The following NDUFA5 variants were observed in gnomAD, a reference collection of about 807,000 sequenced individuals.
The protein encoded by NDUFA5 is NADH dehydrogenase [ubiquinone] 1 alpha subcomplex subunit 5.
A neutral mutation model predicts 19.8 loss-of-function variants in NDUFA5; 11 were observed. The observed-to-expected ratio is 0.56, with a 90% CI of 0.35 to 0.92. The LOEUF is 0.92. Ranked by LOEUF, NDUFA5 falls within the 40% of genes least tolerant of loss-of-function variation. The probability of loss-of-function intolerance (pLI) is 0.01; values close to 1 mark genes in which losing one functional copy is unlikely to be tolerated. For missense variants in NDUFA5, 109 were observed against 134.2 expected (o/e 0.81, Z 0.93); for synonymous variants, 47 against 46.8 (o/e 1.00, Z -0.01).
the NDUFA5 span, among the ~76,000 whole-genome samples, chr7:123,594,381 G>T: frequency 3.9e-5 from 6 of 152,082 alleles, no homozygotes; most frequent in African/African-American, 1.2e-4. Context: ...GGAATTTTCA[G>T]CCTTTCTGCT....
the NDUFA5 span, among the ~76,000 whole-genome samples, chr7:123,570,058 G>T: frequency 1.5e-5 from 2 of 134,278 alleles, no homozygotes; most frequent in Non-Finnish European, 3.1e-5. Flanking sequence ...TTTTTGAGAC[G>T]GAGTCTGGCT....
the NDUFA5 span, among the ~76,000 whole-genome samples, chr7:123,593,346 G>T: frequency 6.6e-6 from 1 of 152,118 alleles, no homozygotes; most frequent in Non-Finnish European, 1.5e-5. Flanking sequence ...CCCGTTAATT[G>T]ATGCAGTTTC....
rs190005917 is a variant in NDUFA5 at position 123,546,859 on chromosome 7, A to G, written c.184-1183T>C. ...AAGATATACATGTATTAATTTCTAG[A>G]AACTGTGAGTGTTACTTTATACAGC... On this transcript the variant is annotated intron_variant, in intron 3 of 4. Coordinates refer to ENST00000355749, the MANE Select transcript of NDUFA5 (RefSeq NM_005000.5). 2.0e-4 allele frequency: 93 copies of G among 476,836 alleles called. 1 individual carries two copies. The East Asian group carries it at 6.1e-3, about 32-fold the overall frequency. The allele number at this position is 476,836 out of a possible 1,614,324, so 29.5% of individuals were successfully genotyped here. A position where few individuals can be genotyped will look rare whatever the true frequency, so the allele number is the denominator to read the frequency against.
At chr7:123,543,943 C>T (rs888015440) in intron 4 of NDUFA5, among the ~76,000 whole-genome samples, 4 of 152,096 alleles carry the variant, frequency 2.6e-5, no homozygotes, top group Admixed American at 6.6e-5. Context: ...TTTCCAGAGC[C>T]ATCTAACAAT....
chr7:123,550,553 C>T lies in NDUFA5; in HGVS notation c.100G>A (p.Val34Ile), dbSNP rs142233610. The T allele has an allele frequency of 6.8e-6, 11 of 1,609,058 alleles. No homozygotes were observed. The highest frequency in any genetic ancestry group is 1.1e-5 in the South Asian group (1 of 90,774). Residue 34 changes from valine to isoleucine, a missense_variant, in exon 3 of 5, where the codon GTT becomes ATT. By Grantham distance (29) the Val-to-Ile change is conservative. Transcript: ENST00000355749. ...LRILYTKILD[V>I]LEEIPKNAAY... is the part of the protein sequence containing the mutation. ...GCATTTTTAGGGATTTCCTCAAGAA[C>T]ATCAAGAATCTTTGTGTACAATATT... is the stretch of plus-strand genomic sequence containing the variant.
chr7:123,577,447 G>A, the NDUFA5 span, among the ~76,000 whole-genome samples: 1 of 152,032 alleles, frequency 6.6e-6, no homozygotes, highest in Non-Finnish European at 1.5e-5. Flanking sequence ...ATTCACTTAA[G>A]ATAACTGAAC....
At chr7:123,572,780 A>G in the NDUFA5 span, among the ~76,000 whole-genome samples, 1 of 150,056 alleles carries the variant, frequency 6.7e-6, no homozygotes, top group African/African-American at 2.5e-5. Context: ...TAATTAGATG[A>G]GTTTTATACA....
chr7:123,575,275 C>CT, the NDUFA5 span, among the ~76,000 whole-genome samples: 2 of 152,058 alleles, frequency 1.3e-5, no homozygotes. Flanking sequence ...CACGTTCCTT[C>CT]TTTCTCTCTC....
At chr7:123,588,558 TCTTC>T in the NDUFA5 span, among the ~76,000 whole-genome samples, 19 of 151,156 alleles carry the variant, frequency 1.3e-4, no homozygotes, top group African/African-American at 2.4e-4. Flanking sequence ...TTTCTTTCCT[TCTTC>T]CTTCCTTCCT....
chr7:123,574,065 G>C, the NDUFA5 span, among the ~76,000 whole-genome samples: 1 of 152,116 alleles, frequency 6.6e-6, no homozygotes, highest in African/African-American at 2.4e-5. Context: ...AGTGATAGCA[G>C]TCTATTTCCA....
chr7:123,557,077 G>A (rs1164054473), intron 2 of NDUFA5: 2 of 560,698 alleles, frequency 3.6e-6, no homozygotes, highest in Admixed American at 4.4e-5. Context: ...CACCTAAGCA[G>A]AAACGGTAAG....
the NDUFA5 span, among the ~76,000 whole-genome samples, chr7:123,574,851 C>T: frequency 6.6e-6 from 1 of 151,984 alleles, no homozygotes; most frequent in Non-Finnish European, 1.5e-5. Flanking sequence ...CCAAAGTACT[C>T]TTTTTATTTT....
At chr7:123,549,597 T>C (rs1222880162) in intron 3 of NDUFA5, among the ~76,000 whole-genome samples, 2 of 151,992 alleles carry the variant, frequency 1.3e-5, no homozygotes, top group Non-Finnish European at 2.9e-5. Context: ...GGCAACACAG[T>C]GAAACTCCGC....
the NDUFA5 span, among the ~76,000 whole-genome samples, chr7:123,584,679 T>C: frequency 6.6e-6 from 1 of 151,830 alleles, no homozygotes; most frequent in Non-Finnish European, 1.5e-5. Flanking sequence ...TAAAAATAAA[T>C]ATACAAAGAC....
At chr7:123,594,259 G>A in the NDUFA5 span, among the ~76,000 whole-genome samples, 6 of 151,854 alleles carry the variant, frequency 4.0e-5, no homozygotes, top group Non-Finnish European at 5.9e-5. Context: ...TGTTATTACC[G>A]ACTTCTGAGG....
chr7:123,549,093 T>C (rs936202777), intron 3 of NDUFA5, among the ~76,000 whole-genome samples: 1 of 152,222 alleles, frequency 6.6e-6, no homozygotes, highest in African/African-American at 2.4e-5. Flanking sequence ...CCATTTTATA[T>C]AAGGGACTTG....
At chr7:123,559,205 G>C (rs1798652847), upstream of NDUFA5, among the ~76,000 whole-genome samples, 1 of 151,316 alleles carries the variant, frequency 6.6e-6, no homozygotes, top group East Asian at 1.9e-4. Context: ...AGATAAAGTA[G>C]ATAAAATGGC....
In NDUFA5 at chr7:123,553,648, C is replaced by T. The variant is rs1056600242; in HGVS notation, c.67-3062G>A. On this transcript the variant is annotated intron_variant, in intron 2 of 4. Transcript: ENST00000355749. ...AGCAAAGAGATATTATAATACTTAG[C>T]AACGGTTAAGGGTGTGCTAACCAGA... Among the ~76,000 whole-genome samples the T allele has an allele frequency of 2.6e-5, 4 of 152,274 alleles. No homozygotes were observed. In the East Asian group the frequency reaches 5.8e-4, roughly 22 times the overall value.
At chr7:123,582,854 G>C in the NDUFA5 span, among the ~76,000 whole-genome samples, 1 of 151,700 alleles carries the variant, frequency 6.6e-6, no homozygotes, top group Non-Finnish European at 1.5e-5. Context: ...ATACATACTT[G>C]GCAAATAAAT....
Sources: gnomAD v4.1 joint callset for allele counts (sites outside exome capture counted in the v4.1 genomes callset) on GRCh38, gnomAD v4.1.1 for gene constraint, MANE v1.5 for transcripts, NCBI Gene and HGNC (gene_info 2026-07-23, HGNC 2026-07-21) for gene names.